The following ACAD11 variants were observed in gnomAD, a reference collection of about 807,000 sequenced individuals.
ACAD11 encodes the protein acyl-Coenzyme A dehydrogenase family, member 11.
ACAD11 carries 83 observed loss-of-function variants against 102.2 expected under a neutral mutation model. That is an observed-to-expected ratio of 0.81 (90% confidence interval 0.68 to 0.97). The LOEUF (loss-of-function observed/expected upper bound fraction) is 0.97, where lower values mean the gene tolerates loss of function less well. ACAD11 is among the 50% of genes least tolerant of loss of function. The pLI, the probability that ACAD11 is intolerant of heterozygous loss-of-function variation, is 0.00. For synonymous variants in ACAD11, 324 were observed against 319.8 expected, an observed-to-expected ratio of 1.01 and a Z score of -0.14; for missense variants, 901 against 951.7, an observed-to-expected ratio of 0.95 and a Z score of 0.70.
intron 17 of ACAD11, among the ~76,000 whole-genome samples, chr3:132,570,130 G>A (rs1247749315): frequency 6.6e-6 from 1 of 152,136 alleles, no homozygotes; most frequent in Non-Finnish European, 1.5e-5. Context: ...GAAGCAGGGA[G>A]GTAAGTGGAA....
intron 13 of ACAD11, among the ~76,000 whole-genome samples, chr3:132,587,842 A>C (rs1463505536): frequency 6.6e-6 from 1 of 152,190 alleles, no homozygotes; most frequent in African/African-American, 2.4e-5. Flanking sequence ...TTTAGCTGCA[A>C]GGTGCTTTGA....
intron 1 of ACAD11, among the ~76,000 whole-genome samples, chr3:132,655,963 C>T (rs1937769654): frequency 6.6e-6 from 1 of 152,126 alleles, no homozygotes; most frequent in Non-Finnish European, 1.5e-5. Flanking sequence ...ATTGGTAAGG[C>T]ATGAGGAATA....
chr3:132,629,449 C>T (rs1311916207), intron 7 of ACAD11, among the ~76,000 whole-genome samples: 4 of 152,192 alleles, frequency 2.6e-5, no homozygotes, highest in African/African-American at 9.7e-5. Flanking sequence ...CGTGAGCCAC[C>T]GTGCCTGGCC....
intron 13 of ACAD11, among the ~76,000 whole-genome samples, chr3:132,588,283 C>T (rs185440285): frequency 1.3e-5 from 2 of 152,226 alleles, no homozygotes; most frequent in Admixed American, 1.3e-4. Flanking sequence ...ATCTTAAGCA[C>T]TTACTCCACC....
chr3:132,606,744 G>C (rs1021070681), intron 11 of ACAD11, among the ~76,000 whole-genome samples: 3 of 152,224 alleles, frequency 2.0e-5, no homozygotes, highest in African/African-American at 4.8e-5. Context: ...GCACTGAAGG[G>C]AGCAGCGGAT....
At position 132,577,019 on chromosome 3, in the gene ACAD11, T is replaced by C. The variant is rs1359646775; in HGVS notation, c.1775-4A>G. The C allele has an allele frequency of 3.2e-6, 5 of 1,578,912 alleles. No homozygotes were observed. On this transcript the variant is annotated splice_region_variant and splice_polypyrimidine_tract_variant and intron_variant, in intron 15 of 19. Transcript: ENST00000264990. ...AAATGTCCTCCATGAAAATTATCTA[T>C]AAAATAGAAAATAAAATTTAGAGCA...
chr3:132,599,954 G>A (rs181930157), intron 13 of ACAD11, among the ~76,000 whole-genome samples: 77 of 151,894 alleles, frequency 5.1e-4, no homozygotes, highest in African/African-American at 1.4e-3. Context: ...TGCTATTTTC[G>A]TTTTTATTCA....
intron 18 of ACAD11, 58 bp downstream of exon 18, chr3:132,561,043 G>T: frequency 7.6e-7 from 1 of 1,320,170 alleles, no homozygotes; most frequent in Non-Finnish European, 1.1e-6. Context: ...TGTCCAACAG[G>T]TGAGAGAACT....
intron 5 of ACAD11, among the ~76,000 whole-genome samples, chr3:132,638,096 A>T (rs1273174872): frequency 1.3e-5 from 2 of 152,178 alleles, no homozygotes; most frequent in African/African-American, 4.8e-5. Context: ...GAGAAAAATG[A>T]AGGGGAAAAA....
At chr3:132,600,741 C>T in intron 13 of ACAD11, 2 of 1,613,990 alleles carry the variant, frequency 1.2e-6, no homozygotes, top group East Asian at 2.2e-5. Flanking sequence ...TGCAAAATAA[C>T]TTCAGCCTTG....
At chr3:132,579,685 A>G in intron 13 of ACAD11, 127 bp from the exon 14 acceptor site, 1 of 673,538 alleles carries the variant, frequency 1.5e-6, no homozygotes, top group Non-Finnish European at 2.5e-6. Flanking sequence ...TTCCTGATTC[A>G]TTAAGATAAT....
chr3:132,634,517 A>T (rs1009447718), intron 5 of ACAD11, among the ~76,000 whole-genome samples: 5 of 152,160 alleles, frequency 3.3e-5, no homozygotes, highest in South Asian at 4.2e-4. Flanking sequence ...AGGGATCTAG[A>T]ACTAGAAATA....
At chr3:132,562,394 C>T (rs973350360) in intron 17 of ACAD11, among the ~76,000 whole-genome samples, 7 of 152,114 alleles carry the variant, frequency 4.6e-5, no homozygotes, top group African/African-American at 7.2e-5. Flanking sequence ...TGAGCCATCG[C>T]GAGATTATTC....
At chr3:132,561,697 T>C (rs181995204) in intron 17 of ACAD11, among the ~76,000 whole-genome samples, 68 of 152,346 alleles carry the variant, frequency 4.5e-4, no homozygotes, top group Admixed American at 2.7e-3. Context: ...TATTTATTCA[T>C]TAAAAATGAC....
intron 9 of ACAD11, among the ~76,000 whole-genome samples, chr3:132,625,697 G>T (rs2107857654): frequency 6.6e-6 from 1 of 152,180 alleles, no homozygotes; most frequent in Admixed American, 6.5e-5. Flanking sequence ...TATAATTCAA[G>T]CAACAGCACA....
chr3:132,592,080 G>A (rs1329675542), intron 13 of ACAD11, among the ~76,000 whole-genome samples: 1 of 152,072 alleles, frequency 6.6e-6, no homozygotes, highest in East Asian at 1.9e-4. Flanking sequence ...GATGTCTGTT[G>A]TCATCATGAA....
chr3:132,621,764 C>T (rs1308809956), intron 9 of ACAD11, among the ~76,000 whole-genome samples: 1 of 119,110 alleles, frequency 8.4e-6, no homozygotes, highest in African/African-American at 4.8e-5. Flanking sequence ...TTGACACTAG[C>T]CTGGCCTACC....
chr3:132,642,891 T>TC (rs1940579435), intron 2 of ACAD11, 89 bp from the exon 3 acceptor site: 1 of 1,359,650 alleles, frequency 7.4e-7, no homozygotes, highest in Non-Finnish European at 1.0e-6. Context: ...ATCTTAAGGC[T>TC]AGAAAACAAC....
At chr3:132,599,155 A>G (rs560434213) in intron 13 of ACAD11, among the ~76,000 whole-genome samples, 1 of 152,258 alleles carries the variant, frequency 6.6e-6, no homozygotes, top group Admixed American at 6.5e-5. Context: ...TCTATCAAAA[A>G]TACAAAAAGT....
Sources: gnomAD v4.1 joint callset for allele counts (sites outside exome capture counted in the v4.1 genomes callset) on GRCh38, gnomAD v4.1.1 for gene constraint, MANE v1.5 for transcripts, NCBI Gene and HGNC (gene_info 2026-07-23, HGNC 2026-07-21) for gene names.